Variants in TMED5 observed in about 807,000 individuals in gnomAD.
TMED5 encodes transmembrane p24 trafficking protein 5.
Under a neutral mutation model 23.0 loss-of-function variants are expected in TMED5, and 27 were observed. The ratio of observed to expected loss-of-function variants is 1.17; its 90% confidence interval spans 0.86 to 1.62. The LOEUF is 1.62. Among genes scored for constraint, TMED5 ranks in the 40% most tolerant of loss-of-function variants. The pLI, the probability that TMED5 is intolerant of heterozygous loss-of-function variation, is 0.00. For missense variants in TMED5, 248 were observed against 273.7 expected (o/e 0.91, Z 0.66); for synonymous variants, 97 against 100.8 (o/e 0.96, Z 0.23).
intron 1 of TMED5, among the ~76,000 whole-genome samples, chr1:93,165,960 C>T (rs1648488800): frequency 6.6e-6 from 1 of 152,170 alleles, no homozygotes; most frequent in South Asian, 2.1e-4. Context: ...CTCTCTATCT[C>T]CATAAGTTCA....
chr1:93,161,699 C>G (rs1431398660), intron 1 of TMED5: 1 of 152,224 alleles, frequency 6.6e-6, no homozygotes, highest in African/African-American at 2.4e-5. Flanking sequence ...CACCTATCCT[C>G]TTTGGCACTT....
At position 93,149,959 on chromosome 1, in the gene TMED5, T is replaced by A. The variant is rs1453631018; in HGVS notation, c.*4711A>T. 6.6e-6 allele frequency: 1 copy of A among 152,208 alleles called. No individual in the cohort carries two copies. The highest frequency in any genetic ancestry group is 1.5e-5 in the Non-Finnish European group (1 of 68,044). The allele number at this position is 152,208 out of a possible 1,614,324, so 9.4% of individuals were successfully genotyped here. A position where few individuals can be genotyped will look rare whatever the true frequency, so the allele number is the denominator to read the frequency against. ...TGAGCTTAGGAGTTCGAGACCAGCC[T>A]GGGCAACATGGCGAAATTAATTAGT... On this transcript the variant is annotated 3_prime_UTR_variant, in exon 4 of 4. Coordinates refer to ENST00000370282, the MANE Select transcript of TMED5 (RefSeq NM_016040.5).
chr1:93,167,535 T>A (rs1220891231), intron 1 of TMED5, among the ~76,000 whole-genome samples: 1 of 152,222 alleles, frequency 6.6e-6, no homozygotes, highest in Non-Finnish European at 1.5e-5. Context: ...AGATTACTTT[T>A]TAAATGTCTT....
rs982683429 is a variant in TMED5, at chr1:93,152,819, T to C, written c.*1851A>G. On this transcript the variant is annotated 3_prime_UTR_variant, in exon 4 of 4. Coordinates refer to ENST00000370282, the MANE Select transcript of TMED5 (RefSeq NM_016040.5). Reference sequence around the variant, plus strand: ...ACAGCGCAAAAGGGAGGGGTATTCATAGGCAAGGATCTTATTGACCTTTGT... The same window carrying C: ...ACAGCGCAAAAGGGAGGGGTATTCACAGGCAAGGATCTTATTGACCTTTGT... 2 of 152,580 alleles carry C rather than the reference T, an allele frequency of 1.3e-5. No homozygotes were observed. The highest frequency in any genetic ancestry group is 1.5e-5 in the Non-Finnish European group (1 of 67,998). The allele number at this position is 152,580 out of a possible 1,614,324, so 9.5% of individuals were successfully genotyped here.
chr1:93,152,239 T>G lies in TMED5; in HGVS notation c.*2431A>C, dbSNP rs1647907129. 1 of 152,602 alleles carries G rather than the reference T, an allele frequency of 6.6e-6. No individual in the cohort carries two copies. Among genetic ancestry groups the G allele is most frequent in the South Asian group, 2.1e-4 (1 of 4,836 alleles). 9.5% of individuals were successfully genotyped at this position (152,602 alleles called of 1,614,324 possible). A position where few individuals can be genotyped will look rare whatever the true frequency, so the allele number is the denominator to read the frequency against. On this transcript the variant is annotated 3_prime_UTR_variant, in exon 4 of 4. Transcript: ENST00000370282. ...GGTGAACACGGTAACTGCTACATTA[T>G]GGAAATCGGTTGGGCCTTAGTTAAA...
Position 93,180,387 on chromosome 1 carries a change from C to T in TMED5, c.-145G>A. ...GGCGGCCGCGGCGGCGGCGAACACT[C>T]CCTCCGAAAGAGAAGCGCAGTTCTC... On this transcript the variant is annotated 5_prime_UTR_variant, in exon 1 of 4. Coordinates refer to ENST00000370282, the MANE Select transcript of TMED5 (RefSeq NM_016040.5). The T allele has an allele frequency of 2.4e-6, 3 of 1,248,900 alleles. No homozygotes were observed. The highest frequency in any genetic ancestry group is 3.3e-6 in the Non-Finnish European group (3 of 908,702). The allele number at this position is 1,248,900 out of a possible 1,614,324, so 77.4% of individuals were successfully genotyped here. A position where few individuals can be genotyped will look rare whatever the true frequency, so the allele number is the denominator to read the frequency against.
intron 1 of TMED5, among the ~76,000 whole-genome samples, chr1:93,168,185 A>C (rs1648574148): frequency 6.6e-6 from 1 of 152,222 alleles, no homozygotes; most frequent in African/African-American, 2.4e-5. Context: ...AATTATATAA[A>C]ATGTTCAGTA....
rs1647878476 is a variant in TMED5 at position 93,151,699 on chromosome 1, CAG to C, written c.*2969_*2970del. ...ACAGGTGAATAAGTACATATAGAAA[CAG>C]AACTCCAATGCAAAGTAGAGTGATG... is the stretch of plus-strand genomic sequence containing the variant. On this transcript the variant is annotated 3_prime_UTR_variant, in exon 4 of 4. Coordinates refer to ENST00000370282, the MANE Select transcript of TMED5 (RefSeq NM_016040.5). 2 of 152,098 alleles carry C rather than the reference CAG, an allele frequency of 1.3e-5. No homozygotes were observed. Among genetic ancestry groups the C allele is most frequent in the Non-Finnish European group, 2.9e-5 (2 of 68,012 alleles). The allele number at this position is 152,098 out of a possible 1,614,324, so 9.4% of individuals were successfully genotyped here.
rs1647986873 is a variant in TMED5, at chr1:93,154,582, T to C, written c.*88A>G. The C allele has an allele frequency of 1.2e-6, 1 of 831,324 alleles. No individual in the cohort carries two copies. The highest frequency in any genetic ancestry group is 1.7e-5 in the African/African-American group (1 of 58,294). The allele number at this position is 831,324 out of a possible 1,614,324, so 51.5% of individuals were successfully genotyped here. The stretch of plus-strand genomic sequence containing the variant: ...CCTACTTTTATATCTCAAAATATTT[T>C]GGAGAAGACCATTAATGGTCTTGAC... On this transcript the variant is annotated 3_prime_UTR_variant, in exon 4 of 4. Coordinates refer to ENST00000370282, the MANE Select transcript of TMED5 (RefSeq NM_016040.5).
At chr1:93,170,337 G>GGGCTCCGC in intron 1 of TMED5, among the ~76,000 whole-genome samples, 1 of 152,350 alleles carries the variant, frequency 6.6e-6, no homozygotes, top group Non-Finnish European at 1.5e-5. Context: ...GGGTGGGCGT[G>GGGCTCCGC]GGCTCCGCGG....
At chr1:93,162,826 C>T (rs1300212476) in intron 1 of TMED5, 1 of 152,124 alleles carries the variant, frequency 6.6e-6, no homozygotes, top group African/African-American at 2.4e-5. Context: ...AGAATTCTTA[C>T]ATATAACATT....
chr1:93,151,989 T>C lies in TMED5; in HGVS notation c.*2681A>G, dbSNP rs546. 126,233 of 152,556 alleles carry C rather than the reference T, an allele frequency of 0.83. 52,449 individuals carry two copies. Among genetic ancestry groups the C allele is most frequent in the East Asian group, 1 (5,183 of 5,186 alleles). The allele number at this position is 152,556 out of a possible 1,614,324, so 9.5% of individuals were successfully genotyped here. A position where few individuals can be genotyped will look rare whatever the true frequency, so the allele number is the denominator to read the frequency against. ...ACTTCAGATGAAAAATCCTTACATG[T>C]GGAATCAATGTCTTTTAAAATTTCA... On this transcript the variant is annotated 3_prime_UTR_variant, in exon 4 of 4. Coordinates refer to ENST00000370282, the MANE Select transcript of TMED5 (RefSeq NM_016040.5).
intron 1 of TMED5, among the ~76,000 whole-genome samples, chr1:93,174,121 C>T (rs1648826852): frequency 6.6e-6 from 1 of 152,062 alleles, no homozygotes; most frequent in Non-Finnish European, 1.5e-5. Context: ...CTGCGCCCAG[C>T]TAATTTTTGT....
Position 93,153,543 on chromosome 1 carries a change from TC to T in TMED5, c.*1126del, listed in dbSNP as rs1280571744. The T allele has an allele frequency of 1.3e-5, 2 of 152,134 alleles. No individual in the cohort carries two copies. Among genetic ancestry groups the T allele is most frequent in the Non-Finnish European group, 2.9e-5 (2 of 67,986 alleles). 9.4% of individuals were successfully genotyped at this position (152,134 alleles called of 1,614,324 possible). On this transcript the variant is annotated 3_prime_UTR_variant, in exon 4 of 4. Coordinates refer to ENST00000370282, the MANE Select transcript of TMED5 (RefSeq NM_016040.5). ...TCCAGCTAACTGGAAATTAATCATC[TC>T]CTTTGATTTATGTTATGAGTAGGAT...
At chr1:93,170,304 G>A (rs1648672178) in intron 1 of TMED5, among the ~76,000 whole-genome samples, 1 of 152,234 alleles carries the variant, frequency 6.6e-6, no homozygotes, top group African/African-American at 2.4e-5. Context: ...TGCGCGTGAT[G>A]CTTGCGGGCC....
chr1:93,179,885 CGA>C, intron 1 of TMED5, 167 bp downstream of exon 1: 1 of 631,268 alleles, frequency 1.6e-6, no homozygotes, highest in Non-Finnish European at 2.6e-6. Flanking sequence ...CCGGCCCCAG[CGA>C]GAGCCTCGCC....
rs1456649286 is a variant in TMED5, at chr1:93,151,597, T to C, written c.*3073A>G. On this transcript the variant is annotated 3_prime_UTR_variant, in exon 4 of 4. Coordinates refer to ENST00000370282, the MANE Select transcript of TMED5 (RefSeq NM_016040.5). ...TGGGTGCTTATTTAGCATACCAAAC[T>C]TTAAGAACTGATTATCTTTCCTTTC... The C allele has an allele frequency of 6.6e-6, 1 of 152,182 alleles. No individual in the cohort carries two copies. Among genetic ancestry groups the C allele is most frequent in the East Asian group, 1.9e-4 (1 of 5,194 alleles). 9.4% of individuals were successfully genotyped at this position (152,182 alleles called of 1,614,324 possible).
intron 1 of TMED5, among the ~76,000 whole-genome samples, chr1:93,172,999 TTCCATTCCTAAA>T (rs375332306): frequency 4.7e-4 from 72 of 152,296 alleles, no homozygotes; most frequent in South Asian, 2.3e-3. Flanking sequence ...TTCCATACAG[TTCCATTCCTAAA>T]AGTGGAGAGT....
rs1571268900 is a variant in TMED5, at chr1:93,154,982, T to C, written c.472-94A>G. 5.5e-6 allele frequency: 5 copies of C among 908,298 alleles called. No homozygotes were observed. In the South Asian group the frequency reaches 6.9e-5, roughly 13 times the overall value. 56.3% of individuals were successfully genotyped at this position (908,298 alleles called of 1,614,324 possible). A position where few individuals can be genotyped will look rare whatever the true frequency, so the allele number is the denominator to read the frequency against. ...GCTGGGTGCAGTGACTCATGCCTTGTAATCCTGGAACTTTGGGAGACTAGG... is the reference window on the plus strand; with the variant it reads ...GCTGGGTGCAGTGACTCATGCCTTGCAATCCTGGAACTTTGGGAGACTAGG... On this transcript the variant is annotated intron_variant, in intron 3 of 3. Coordinates refer to ENST00000370282, the MANE Select transcript of TMED5 (RefSeq NM_016040.5).
Sources: allele counts gnomAD v4.1 joint callset (sites outside exome capture counted in the v4.1 genomes callset), GRCh38; gene constraint gnomAD v4.1.1; transcripts MANE v1.5; gene names NCBI Gene and HGNC (gene_info 2026-07-23, HGNC 2026-07-21).